Variants in SLC5A10 observed in about 807,000 individuals in gnomAD.
The protein encoded by SLC5A10 is sodium/mannose cotransporter SLC5A10.
SLC5A10 carries 55 observed loss-of-function variants against 68.9 expected under a neutral mutation model. The ratio of observed to expected loss-of-function variants is 0.80; its 90% CI spans 0.64 to 1.00. The LOEUF (loss-of-function observed/expected upper bound fraction) is 1.00, where lower values mean the gene tolerates loss of function less well. Among genes scored for constraint, SLC5A10 ranks in the 50% least tolerant of loss-of-function variants. SLC5A10 has a pLI of 0.00. For missense variants in SLC5A10, 732 were observed against 819.3 expected (o/e 0.89, Z 1.30); for synonymous variants, 344 against 344.8 (o/e 1.00, Z 0.02).
rs144898113 is a variant in SLC5A10, at chr17:19,003,687, A to G, written c.983-9723A>G. 6.2e-7 allele frequency: 1 copy of G among 1,609,500 alleles called. No individual in the cohort carries two copies. Among genetic ancestry groups the G allele is most frequent in the African/African-American group, 1.3e-5 (1 of 74,712 alleles). On this transcript the variant is annotated intron_variant, in intron 9 of 14. Coordinates refer to ENST00000395645, the MANE Select transcript of SLC5A10 (RefSeq NM_001042450.4). This position sits in a 1 kb window ranked among gnomAD's most constrained non-coding sequence, Gnocchi z 4.5. ...GAGCGGTCCGACTTCTGGGGCCAGT[A>G]CTCCAGGGAGGGCAGCGGCTCGGCC...
intron 9 of SLC5A10, chr17:18,977,502 G>T: frequency 7.5e-7 from 1 of 1,341,826 alleles, no homozygotes; most frequent in East Asian, 2.3e-5. Context: ...GGACATGGTA[G>T]CCCAGAAGAC....
chr17:18,965,300 G>A (rs1266456636), intron 5 of SLC5A10, among the ~76,000 whole-genome samples: 1 of 152,094 alleles, frequency 6.6e-6, no homozygotes, highest in African/African-American at 2.4e-5. Flanking sequence ...CCCGGAGGAC[G>A]GTGATGGCCT....
At chr17:19,002,099 G>A (rs1409469578) in intron 9 of SLC5A10, among the ~76,000 whole-genome samples, 6 of 151,302 alleles carry the variant, frequency 4.0e-5, no homozygotes, top group African/African-American at 1.5e-4. Flanking sequence ...TGCAAACTAT[G>A]AAGGTCCCTT....
chr17:18,986,501 A>T (rs2043271667), intron 9 of SLC5A10, among the ~76,000 whole-genome samples: 1 of 151,980 alleles, frequency 6.6e-6, no homozygotes, highest in African/African-American at 2.4e-5. Flanking sequence ...CAGTTTCTCC[A>T]TCTGTCTTGT....
rs536465559 is a variant in SLC5A10, at chr17:18,960,652, G to C, written c.453G>C (p.Ser151=). The C allele has an allele frequency of 1.9e-6, 3 of 1,613,810 alleles. No homozygotes were observed. Among genetic ancestry groups the C allele is most frequent in the Non-Finnish European group, 2.5e-6 (3 of 1,179,856 alleles). ...TACTGTCTGTCTTCACCAAGATATCGGTGAGCTGCCCCCGGCTCCCTGCTG... is the reference window on the plus strand; with the variant it reads ...TACTGTCTGTCTTCACCAAGATATCCGTGAGCTGCCCCCGGCTCCCTGCTG... ...SLLLSVFTKI[S]LDLYAGALFV... is the part of the protein sequence containing the mutation. Residue 151 remains serine, a splice_region_variant and synonymous_variant, in exon 5 of 15, where the codon TCG becomes TCC. Coordinates refer to ENST00000395645, the MANE Select transcript of SLC5A10 (RefSeq NM_001042450.4).
chr17:18,971,816 G>C lies in SLC5A10; in HGVS notation c.846+598G>C. On this transcript the variant is annotated intron_variant, in intron 8 of 14. Transcript: ENST00000395645. This position sits in a 1 kb window ranked among gnomAD's most constrained non-coding sequence, Gnocchi z 5.5. ...CAACCCCGCCCCAGCACAGGACCCT[G>C]CTCAGGCACACAGGAGCCGGCAGGC... 6.7e-7 allele frequency: 1 copy of C among 1,495,192 alleles called. No individual in the cohort carries two copies. The highest frequency in any genetic ancestry group is 8.9e-7 in the Non-Finnish European group (1 of 1,119,408). The allele number at this position is 1,495,192 out of a possible 1,614,324, so 92.6% of individuals were successfully genotyped here. A position where few individuals can be genotyped will look rare whatever the true frequency, so the allele number is the denominator to read the frequency against.
At position 19,004,086 on chromosome 17, in the gene SLC5A10, G is replaced by C; in HGVS notation, c.983-9324G>C. The C allele has an allele frequency of 6.5e-7, 1 of 1,535,044 alleles. No individual in the cohort carries two copies. Among genetic ancestry groups the C allele is most frequent in the Non-Finnish European group, 8.8e-7 (1 of 1,141,666 alleles). On this transcript the variant is annotated intron_variant, in intron 9 of 14. Coordinates refer to ENST00000395645, the MANE Select transcript of SLC5A10 (RefSeq NM_001042450.4). This position sits in a 1 kb window ranked among gnomAD's most constrained non-coding sequence, Gnocchi z 5.4. ...CTGCTGCCGGGGGTGGGTGGGCAAG[G>C]TCCAGCTCCTAGCTCCGGCCCAGCT...
chr17:19,018,464 A>C lies in SLC5A10; in HGVS notation c.1242-959A>C, dbSNP rs1375192600. 1 of 152,234 alleles carries C rather than the reference A, an allele frequency of 6.6e-6. No homozygotes were observed. The highest frequency in any genetic ancestry group is 2.4e-5 in the African/African-American group (1 of 41,412). 9.4% of individuals were successfully genotyped at this position (152,234 alleles called of 1,614,324 possible). A position where few individuals can be genotyped will look rare whatever the true frequency, so the allele number is the denominator to read the frequency against. ...CCAGCCCAGTCCGAGTGTAGGTAAG[A>C]GGCTCATCTGTTTTCTTTGCTGGAC... is the stretch of plus-strand genomic sequence containing the variant. On this transcript the variant is annotated intron_variant, in intron 11 of 14. Coordinates refer to ENST00000395645, the MANE Select transcript of SLC5A10 (RefSeq NM_001042450.4). This position sits in a 1 kb window ranked among gnomAD's most constrained non-coding sequence, Gnocchi z 4.2.
In SLC5A10 at chr17:18,981,530, G is replaced by C. The variant is rs560594725; in HGVS notation, c.982+4541G>C. On this transcript the variant is annotated intron_variant, in intron 9 of 14. Coordinates refer to ENST00000395645, the MANE Select transcript of SLC5A10 (RefSeq NM_001042450.4). Reference sequence around the variant, plus strand: ...GTGAGGTGAATGCTATGGGAGAGGAGGGGAGCCTGAGAGAGCAGAGCTGCC... The same window carrying C: ...GTGAGGTGAATGCTATGGGAGAGGACGGGAGCCTGAGAGAGCAGAGCTGCC... 1.1e-4 allele frequency among the ~76,000 whole-genome samples: 16 copies of C among 152,248 alleles called. 1 individual carries two copies. Among genetic ancestry groups the C allele is most frequent in the African/African-American group, 3.9e-4 (16 of 41,526 alleles).
At position 18,960,904 on chromosome 17, in the gene SLC5A10, G is replaced by T. The variant is rs527561026; in HGVS notation, c.453+252G>T. On this transcript the variant is annotated intron_variant, in intron 5 of 14. Coordinates refer to ENST00000395645, the MANE Select transcript of SLC5A10 (RefSeq NM_001042450.4). The stretch of plus-strand genomic sequence containing the variant: ...AACACAACCTGGTGACCTCTGCTTT[G>T]CCTCAGGTTCTAGACACAGGGTGTT... 1.2e-3 allele frequency among the ~76,000 whole-genome samples: 178 copies of T among 152,288 alleles called. 1 individual carries two copies. The highest frequency in any genetic ancestry group is 4.4e-3 in the Admixed American group (68 of 15,292).
chr17:18,992,956 G>A (rs1176451951), intron 9 of SLC5A10, among the ~76,000 whole-genome samples: 1 of 152,208 alleles, frequency 6.6e-6, no homozygotes, highest in East Asian at 1.9e-4. Context: ...CACAACAGCT[G>A]TTTCCTAGCC....
intron 1 of SLC5A10, among the ~76,000 whole-genome samples, chr17:18,956,216 TAAATAAATAAATAAATA>T (rs961471830): frequency 5.5e-5 from 7 of 126,134 alleles, no homozygotes; most frequent in African/African-American, 3.5e-4. Context: ...AATAAATAAA[TAAATAAATAAATAAATA>T]AATAAATAAC....
chr17:18,962,668 T>A (rs2042634377), intron 5 of SLC5A10, among the ~76,000 whole-genome samples: 1 of 151,686 alleles, frequency 6.6e-6, no homozygotes, highest in African/African-American at 2.4e-5. Context: ...CGGGGTGGTG[T>A]TTAAGTGGGA....
At position 19,013,393 on chromosome 17, in the gene SLC5A10, G is replaced by C. The variant is rs1232044426; in HGVS notation, c.983-17G>C. On this transcript the variant is annotated splice_polypyrimidine_tract_variant and intron_variant, in intron 9 of 14. Coordinates refer to ENST00000395645, the MANE Select transcript of SLC5A10 (RefSeq NM_001042450.4). ...ATGTCTATGAGGAGAGACACCAAGT[G>C]TCCGTCTCTCGAACAGATGATGTGG... The C allele has an allele frequency of 6.2e-7, 1 of 1,605,260 alleles. No individual in the cohort carries two copies. The highest frequency in any genetic ancestry group is 8.5e-7 in the Non-Finnish European group (1 of 1,175,566).
At chr17:18,981,786 C>CTGCA (rs761307735) in intron 9 of SLC5A10, among the ~76,000 whole-genome samples, 22 of 152,080 alleles carry the variant, frequency 1.4e-4, no homozygotes, top group Non-Finnish European at 3.2e-4. Context: ...ACCCCGCAGG[C>CTGCA]TGCAGGTTTG....
intron 5 of SLC5A10, among the ~76,000 whole-genome samples, chr17:18,964,129 C>A (rs1302604836): frequency 3.9e-5 from 6 of 152,190 alleles, no homozygotes; most frequent in Non-Finnish European, 8.8e-5. Context: ...GCAGGCCAGC[C>A]CCCTTCCTCT....
chr17:18,977,293 T>G, intron 9 of SLC5A10: 1 of 579,152 alleles, frequency 1.7e-6, no homozygotes, highest in Non-Finnish European at 3.0e-6. Context: ...GCAGGTGCCA[T>G]CAAGATCCTC....
Position 19,019,448 on chromosome 17 carries a change from G to A in SLC5A10, c.1267G>A (p.Val423Met), listed in dbSNP as rs200567946. 44 of 1,611,392 alleles carry A rather than the reference G, an allele frequency of 2.7e-5. No individual in the cohort carries two copies. Among genetic ancestry groups the A allele is most frequent in the Admixed American group, 2.5e-4 (15 of 59,978 alleles). The change falls in exon 12 of 15, where the codon GTG (valine) becomes ATG (methionine). Residue 423 changes from valine to methionine, a missense_variant. Transcript: ENST00000395645. ...GCTGGTCATAGTGGCACTCATCGGC[G>A]TGAGTGTGGCCTGGATCCCCGTCCT... ...GRLVIVALIG[V>M]SVAWIPVLQD...
rs760775950 is a variant in SLC5A10, at chr17:19,019,632, A to G, written c.1410+41A>G. 8 of 1,605,170 alleles carry G rather than the reference A, an allele frequency of 5.0e-6. No individual in the cohort carries two copies. In the East Asian group the frequency reaches 1.8e-4, roughly 36 times the overall value. Reference sequence around the variant, plus strand: ...CTGCTCTCCCTGGGGACGTGCCACAATTTGCTCTTCCCTGCTGCCTGTGGG... The same window carrying G: ...CTGCTCTCCCTGGGGACGTGCCACAGTTTGCTCTTCCCTGCTGCCTGTGGG... On this transcript the variant is annotated intron_variant, in intron 12 of 14. Transcript: ENST00000395645.
Sources: gnomAD v4.1 joint callset for allele counts (sites outside exome capture counted in the v4.1 genomes callset) on GRCh38, gnomAD v4.1.1 for gene constraint, Gnocchi (gnomAD v3.1) non-coding constraint, MANE v1.5 for transcripts, NCBI Gene and HGNC (gene_info 2026-07-23, HGNC 2026-07-21) for gene names.